The following RAD51B variants were observed in gnomAD, a reference collection of about 807,000 sequenced individuals.
The protein encoded by RAD51B is RAD51 paralog B, also known as DNA repair protein RAD51 homolog 2.
Under a neutral mutation model 42.2 loss-of-function variants are expected in RAD51B, and 38 were observed. The ratio of observed to expected loss-of-function variants is 0.90; its 90% CI spans 0.70 to 1.18. The LOEUF is 1.18. Among genes scored for constraint, RAD51B ranks in the 50% most tolerant of loss-of-function variants. RAD51B has a pLI of 0.00. For missense variants in RAD51B, 373 were observed against 400.7 expected, an observed-to-expected ratio of 0.93 and a Z score of 0.59; for synonymous variants, 154 against 145.2, an observed-to-expected ratio of 1.06 and a Z score of -0.43.
intron 11 of RAD51B, among the ~76,000 whole-genome samples, chr14:68,673,426 A>T (rs1308126779): frequency 6.6e-6 from 1 of 151,888 alleles, no homozygotes; most frequent in Admixed American, 6.6e-5. Context: ...GTATGCAAAC[A>T]TGTATACATG....
chr14:67,855,475 C>T (rs904677953), intron 4 of RAD51B, among the ~76,000 whole-genome samples: 1 of 151,548 alleles, frequency 6.6e-6, no homozygotes, highest in Admixed American at 6.6e-5. Context: ...CTCCTGACCT[C>T]GTGATTCGCC....
At chr14:67,874,561 G>A (rs4144072) in intron 5 of RAD51B, among the ~76,000 whole-genome samples, 152,244 of 152,244 alleles carry the variant, frequency 1, 76,122 homozygotes, top group Non-Finnish European at 1. Context: ...GTAGCCTGGC[G>A]CTAACCAGAC....
chr14:68,169,611 A>C (rs1415572443), intron 7 of RAD51B, among the ~76,000 whole-genome samples: 3 of 152,220 alleles, frequency 2.0e-5, no homozygotes, highest in Non-Finnish European at 4.4e-5. Context: ...TGTATCACAC[A>C]TAACTCTCTG....
At chr14:68,495,535 G>A (rs1367014653) in intron 10 of RAD51B, among the ~76,000 whole-genome samples, 1 of 152,200 alleles carries the variant, frequency 6.6e-6, no homozygotes, top group African/African-American at 2.4e-5. Context: ...CTCTAGCGGA[G>A]GAAGCAGTGT....
At chr14:67,961,649 T>C (rs766459485) in intron 7 of RAD51B, among the ~76,000 whole-genome samples, 6 of 152,222 alleles carry the variant, frequency 3.9e-5, no homozygotes, top group Non-Finnish European at 8.8e-5. Flanking sequence ...GGAAACAGTA[T>C]AGTATAGTTG....
chr14:68,505,351 G>A (rs1594922700), intron 10 of RAD51B, among the ~76,000 whole-genome samples: 2 of 152,162 alleles, frequency 1.3e-5, no homozygotes, highest in African/African-American at 2.4e-5. Context: ...TAGTTTGCAA[G>A]CAATGGCTGC....
intron 8 of RAD51B, among the ~76,000 whole-genome samples, chr14:68,371,458 C>T (rs1229498663): frequency 2.6e-5 from 4 of 151,928 alleles, no homozygotes; most frequent in African/African-American, 7.3e-5. Context: ...GCGGAGGTTG[C>T]AGTGAGCTGA....
chr14:68,093,269 G>A (rs1001163180), intron 7 of RAD51B, among the ~76,000 whole-genome samples: 42 of 152,304 alleles, frequency 2.8e-4, no homozygotes, highest in African/African-American at 9.9e-4. Flanking sequence ...AGTTTCAGAA[G>A]GAATGGTACC....
chr14:68,276,224 A>G (rs970143726), intron 7 of RAD51B, among the ~76,000 whole-genome samples: 12 of 152,160 alleles, frequency 7.9e-5, no homozygotes, highest in African/African-American at 2.9e-4. Context: ...CTCTTCTGCC[A>G]TTTAGAATGA....
At chr14:68,070,568 G>T (rs898843313) in intron 7 of RAD51B, among the ~76,000 whole-genome samples, 3 of 152,110 alleles carry the variant, frequency 2.0e-5, no homozygotes, top group Non-Finnish European at 4.4e-5. Context: ...TATTGACTCT[G>T]TTGAAGATCA....
chr14:68,487,422 G>A (rs1437595736), intron 10 of RAD51B, among the ~76,000 whole-genome samples: 1 of 152,016 alleles, frequency 6.6e-6, no homozygotes, highest in Non-Finnish European at 1.5e-5. Flanking sequence ...CATGAGGCTA[G>A]GACCTCATAT....
intron 9 of RAD51B, among the ~76,000 whole-genome samples, chr14:68,437,255 A>G (rs1234557279): frequency 3.9e-5 from 6 of 152,170 alleles, no homozygotes; most frequent in Admixed American, 2.6e-4. Flanking sequence ...TTCCGCATCT[A>G]TTGAGATGAT....
At chr14:68,585,023 C>A (rs1890389567) in intron 10 of RAD51B, among the ~76,000 whole-genome samples, 1 of 152,162 alleles carries the variant, frequency 6.6e-6, no homozygotes, top group African/African-American at 2.4e-5. Context: ...TGATGCCTCT[C>A]TACATAGAAG....
At chr14:67,932,383 T>C (rs2044771814) in intron 7 of RAD51B, among the ~76,000 whole-genome samples, 1 of 152,218 alleles carries the variant, frequency 6.6e-6, no homozygotes, top group Admixed American at 6.5e-5. Flanking sequence ...GTGGAGCTTA[T>C]AGTGAAGTTT....
rs1233968051 is a variant in RAD51B at position 68,119,526 on chromosome 14, G to A, written c.757-172358G>A. Among the ~76,000 whole-genome samples the A allele has an allele frequency of 9.1e-3, 1,235 of 135,968 alleles. 17 individuals carry two copies. The highest frequency in any genetic ancestry group is 0.033 in the African/African-American group (1,180 of 35,796). The allele number at this position is 135,968 out of a possible 152,430, so 89.2% of individuals were successfully genotyped here. On this transcript the variant is annotated intron_variant, in intron 7 of 10. Coordinates refer to ENST00000471583, the MANE Select transcript of RAD51B (RefSeq NM_133510.4). ...ACGTTCCCCTTCATGTGTCCATGTG[G>A]TCTCATTGTTCAATTCCCACCTATG...
At chr14:68,576,716 T>C (rs1889977943) in intron 10 of RAD51B, among the ~76,000 whole-genome samples, 1 of 152,158 alleles carries the variant, frequency 6.6e-6, no homozygotes, top group African/African-American at 2.4e-5. Flanking sequence ...GTCATTTGGC[T>C]GCACTGGAGG....
intron 8 of RAD51B, among the ~76,000 whole-genome samples, chr14:68,350,952 G>A (rs1308833201): frequency 6.6e-6 from 1 of 152,166 alleles, no homozygotes; most frequent in East Asian, 1.9e-4. Context: ...ATCCAACATG[G>A]CATCCCCTAG....
At chr14:67,962,610 T>C (rs1177271860) in intron 7 of RAD51B, among the ~76,000 whole-genome samples, 2 of 152,184 alleles carry the variant, frequency 1.3e-5, no homozygotes, top group Non-Finnish European at 2.9e-5. Flanking sequence ...CAAGTTGTTG[T>C]TGAGGTATAA....
chr14:68,008,870 C>T (rs544883563), intron 7 of RAD51B, among the ~76,000 whole-genome samples: 2 of 151,834 alleles, frequency 1.3e-5, no homozygotes, highest in South Asian at 4.1e-4. Flanking sequence ...TTGTTTTTTC[C>T]TCCCTCATTG....
Sources: gnomAD v4.1 joint callset for allele counts (sites outside exome capture counted in the v4.1 genomes callset) on GRCh38, gnomAD v4.1.1 for gene constraint, MANE v1.5 for transcripts, NCBI Gene and HGNC (gene_info 2026-07-23, HGNC 2026-07-21) for gene names.